Variants in UBXN2B observed in about 807,000 individuals in gnomAD.
UBXN2B encodes UBX domain protein 2B.
In UBXN2B, 19 loss-of-function variants were observed where a neutral mutation model predicts 37.5. The ratio of observed to expected loss-of-function variants is 0.51; its 90% confidence interval spans 0.35 to 0.74. UBXN2B has a LOEUF of 0.74. UBXN2B is among the 30% of genes least tolerant of loss of function. UBXN2B has a pLI of 0.01. For missense variants in UBXN2B, 370 were observed against 393.2 expected, an observed-to-expected ratio of 0.94 and a Z score of 0.50; for synonymous variants, 145 against 143.8, an observed-to-expected ratio of 1.01 and a Z score of -0.06.
chr8:58,413,563 G>C (rs756446603), intron 1 of UBXN2B, among the ~76,000 whole-genome samples: 1 of 152,132 alleles, frequency 6.6e-6, no homozygotes, highest in Non-Finnish European at 1.5e-5. Context: ...TTCAGAGTGA[G>C]TAAAGGGGCA....
At chr8:58,418,599 A>G (rs1807845681) in intron 2 of UBXN2B, among the ~76,000 whole-genome samples, 2 of 152,210 alleles carry the variant, frequency 1.3e-5, no homozygotes, top group African/African-American at 4.8e-5. Flanking sequence ...TCTGCTATTT[A>G]TTACATGACA....
At position 58,433,180 on chromosome 8, in the gene UBXN2B, C is replaced by T. The variant is rs1477619516; in HGVS notation, c.360C>T (p.Tyr120=). ...TTTAGTCATTTACAGGTGGAGGATA[C>T]AGATTGGGTAGTTCTTTTTGTAAGC... ...DKSKSFTGGG[Y]RLGSSFCKRS... is the part of the protein sequence containing the mutation. The change falls in exon 4 of 8, where the codon TAC becomes TAT. Residue 120 remains tyrosine, a synonymous_variant. Transcript: ENST00000399598. The T allele has an allele frequency of 6.2e-7, 1 of 1,612,510 alleles. No individual in the cohort carries two copies. The highest frequency in any genetic ancestry group is 8.5e-7 in the Non-Finnish European group (1 of 1,179,160).
chr8:58,441,348 C>CATATATATACATATATATATATATAT (rs1554553153), intron 6 of UBXN2B, among the ~76,000 whole-genome samples: 1 of 104,660 alleles, frequency 9.6e-6, no homozygotes, highest in African/African-American at 4.0e-5. Flanking sequence ...TTGTGATCAA[C>CATATATATACATATATATATATATAT]ATATATATAT....
chr8:58,415,745 C>T (rs1382430544), intron 1 of UBXN2B, among the ~76,000 whole-genome samples: 1 of 151,932 alleles, frequency 6.6e-6, no homozygotes, highest in Non-Finnish European at 1.5e-5. Flanking sequence ...GCCTAAGTTA[C>T]GATTTGAATT....
chr8:58,425,604 T>G, intron 2 of UBXN2B: 1 of 1,074,278 alleles, frequency 9.3e-7, no homozygotes, highest in Non-Finnish European at 1.4e-6. Context: ...TGCACTCCTG[T>G]TGTTGTAGTG....
chr8:58,439,922 AT>A, intron 6 of UBXN2B, 152 bp downstream of exon 6: 1 of 605,418 alleles, frequency 1.7e-6, no homozygotes, highest in Non-Finnish European at 2.7e-6. Flanking sequence ...ATAATATTAT[AT>A]CATGTGATAC....
chr8:58,446,778 C>CTTTTTTT (rs1585622637), intron 7 of UBXN2B, among the ~76,000 whole-genome samples: 1 of 14,972 alleles, frequency 6.7e-5, no homozygotes, highest in Non-Finnish European at 1.4e-4. Context: ...GTACAACCTG[C>CTTTTTTT]ATTTTTTTTT....
intron 2 of UBXN2B, among the ~76,000 whole-genome samples, chr8:58,421,950 A>G (rs1382540985): frequency 6.6e-6 from 1 of 152,274 alleles, no homozygotes; most frequent in African/African-American, 2.4e-5. Flanking sequence ...ATCTTAAGCA[A>G]CGGGCAGAGA....
intron 6 of UBXN2B, among the ~76,000 whole-genome samples, chr8:58,443,646 A>C (rs1353721425): frequency 6.6e-6 from 1 of 151,270 alleles, no homozygotes; most frequent in Admixed American, 6.6e-5. Context: ...TCCAAAAAAA[A>C]AAAAAAAAAA....
At position 58,428,374 on chromosome 8, in the gene UBXN2B, A is replaced by G. The variant is rs560177681; in HGVS notation, c.189-2145A>G. On this transcript the variant is annotated intron_variant, in intron 2 of 7. Coordinates refer to ENST00000399598, the MANE Select transcript of UBXN2B (RefSeq NM_001077619.2). ...GTCAGCACAATGAGATTAGAAAAAC[A>G]AAAGTATACAAATTGGAAATAAATA... is the stretch of plus-strand genomic sequence containing the variant. Among the ~76,000 whole-genome samples, 13 of 152,380 alleles carry G rather than the reference A, an allele frequency of 8.5e-5. No individual in the cohort carries two copies. In the South Asian group the frequency reaches 2.7e-3, roughly 32 times the overall value.
At chr8:58,443,570 ATGACTT>A (rs1362347100) in intron 6 of UBXN2B, among the ~76,000 whole-genome samples, 1 of 151,166 alleles carries the variant, frequency 6.6e-6, no homozygotes, top group East Asian at 1.9e-4. Context: ...AGGCAGGCAG[ATGACTT>A]GAGATTAGGA....
chr8:58,432,039 C>A (rs1217374484), intron 3 of UBXN2B, among the ~76,000 whole-genome samples: 1 of 152,116 alleles, frequency 6.6e-6, no homozygotes, highest in African/African-American at 2.4e-5. Context: ...GAATGTCATT[C>A]ATATTTTTAT....
At chr8:58,432,375 C>T (rs1462194403) in intron 3 of UBXN2B, among the ~76,000 whole-genome samples, 70 of 81,454 alleles carry the variant, frequency 8.6e-4, no homozygotes, top group Admixed American at 1.8e-3. Flanking sequence ...TTCTAAATTT[C>T]TTTTTTTTTT....
At chr8:58,437,331 T>G (rs1279561131) in intron 5 of UBXN2B, among the ~76,000 whole-genome samples, 37 of 138,390 alleles carry the variant, frequency 2.7e-4, no homozygotes, top group Non-Finnish European at 5.5e-4. Flanking sequence ...TTTTTTTTTT[T>G]TTTTTTTTTT....
At chr8:58,423,521 C>T (rs530778259) in intron 2 of UBXN2B, among the ~76,000 whole-genome samples, 3 of 151,692 alleles carry the variant, frequency 2.0e-5, no homozygotes, top group African/African-American at 7.2e-5. Flanking sequence ...CTGCAAGCTC[C>T]GCCTCCTGGG....
intron 4 of UBXN2B, 42 bp from the exon 5 acceptor site, chr8:58,434,352 TA>T: frequency 2.8e-6 from 1 of 354,728 alleles, no homozygotes; most frequent in Non-Finnish European, 4.1e-6. Context: ...TATGTGAATA[TA>T]TATATATATA....
intron 1 of UBXN2B, among the ~76,000 whole-genome samples, chr8:58,415,864 G>A (rs745604064): frequency 6.6e-6 from 1 of 151,962 alleles, no homozygotes; most frequent in Non-Finnish European, 1.5e-5. Flanking sequence ...AAAAAAATTA[G>A]AAGTCTTTCA....
At chr8:58,445,440 C>G (rs548388439) in intron 6 of UBXN2B, among the ~76,000 whole-genome samples, 1 of 152,304 alleles carries the variant, frequency 6.6e-6, no homozygotes, top group African/African-American at 2.4e-5. Context: ...CCCGTTGAAA[C>G]ACTGTGTTCT....
At chr8:58,422,707 C>G (rs960566845) in intron 2 of UBXN2B, among the ~76,000 whole-genome samples, 82 of 152,200 alleles carry the variant, frequency 5.4e-4, no homozygotes, top group African/African-American at 1.9e-3. Flanking sequence ...TGGGGTGGTG[C>G]TGCTTTCAAA....
Sources: gnomAD v4.1 joint callset for allele counts (sites outside exome capture counted in the v4.1 genomes callset) on GRCh38, gnomAD v4.1.1 for gene constraint, MANE v1.5 for transcripts, NCBI Gene and HGNC (gene_info 2026-07-23, HGNC 2026-07-21) for gene names.